The following NCS1 variants were observed in gnomAD, a reference collection of about 807,000 sequenced individuals.
NCS1 encodes the protein neuronal calcium sensor 1.
NCS1 carries 6 observed loss-of-function variants against 28.4 expected under a neutral mutation model. The ratio of observed to expected loss-of-function variants is 0.21; its 90% CI spans 0.12 to 0.42. The LOEUF is 0.42. Ranked by LOEUF, NCS1 falls within the 10% of genes least tolerant of loss-of-function variation. The pLI, the probability that NCS1 is intolerant of heterozygous loss-of-function variation, is 1.00. For missense variants in NCS1, 131 were observed against 241.4 expected, an observed-to-expected ratio of 0.54 and a Z score of 3.03; for synonymous variants, 86 against 99.3, an observed-to-expected ratio of 0.87 and a Z score of 0.79.
chr9:130,216,242 G>A (rs1833186051), intron 2 of NCS1, among the ~76,000 whole-genome samples: 1 of 152,186 alleles, frequency 6.6e-6, no homozygotes, highest in Non-Finnish European at 1.5e-5. Flanking sequence ...GGAGGGTGGA[G>A]GCTTTGTGTG....
At chr9:130,216,031 C>T (rs538928695) in intron 2 of NCS1, among the ~76,000 whole-genome samples, 6 of 152,278 alleles carry the variant, frequency 3.9e-5, no homozygotes, top group South Asian at 4.1e-4. Flanking sequence ...CCTTCCAGGC[C>T]GCAGAATTTT....
At chr9:130,205,579 T>G (rs1588117533) in intron 2 of NCS1, among the ~76,000 whole-genome samples, 3 of 142,362 alleles carry the variant, frequency 2.1e-5, no homozygotes, top group Admixed American at 7.1e-5. Context: ...GGCCCACACG[T>G]GTAATCCCAG....
chr9:130,233,637 T>G lies in NCS1; in HGVS notation c.*665T>G, dbSNP rs944547662. ...GGTTTTTTTTTATATACATATATAATTGATATCTTTAATTTATTGGTTGTT... is the reference window on the plus strand; with the variant it reads ...GGTTTTTTTTTATATACATATATAAGTGATATCTTTAATTTATTGGTTGTT... On this transcript the variant is annotated 3_prime_UTR_variant, in exon 8 of 8. Transcript: ENST00000372398. The surrounding 1 kb of genome is among the most constrained non-coding windows in gnomAD (Gnocchi z 4.8). The G allele has an allele frequency of 6.6e-6, 1 of 152,356 alleles. No individual in the cohort carries two copies. The highest frequency in any genetic ancestry group is 1.5e-5 in the Non-Finnish European group (1 of 67,978). The allele number at this position is 152,356 out of a possible 1,614,324, so 9.4% of individuals were successfully genotyped here. A position where few individuals can be genotyped will look rare whatever the true frequency, so the allele number is the denominator to read the frequency against.
chr9:130,190,178 G>A (rs1289356421), intron 1 of NCS1, among the ~76,000 whole-genome samples: 3 of 152,010 alleles, frequency 2.0e-5, no homozygotes, highest in Admixed American at 1.3e-4. Context: ...ACAAGAACAT[G>A]CATTCTGTGA....
chr9:130,220,953 G>A (rs1233268824), intron 4 of NCS1, among the ~76,000 whole-genome samples: 2 of 151,970 alleles, frequency 1.3e-5, no homozygotes, highest in African/African-American at 4.8e-5. Flanking sequence ...CAGGCCCCGG[G>A]CTCTCCCACG....
At chr9:130,227,022 C>CAAAAAAAAAAAAAAAAAGA (rs1833425396) in intron 7 of NCS1, among the ~76,000 whole-genome samples, 5 of 42,614 alleles carry the variant, frequency 1.2e-4, no homozygotes, top group South Asian at 8.4e-4. Flanking sequence ...GACTCCATCT[C>CAAAAAAAAAAAAAAAAAGA]AAAAAAAAAA....
intron 2 of NCS1, among the ~76,000 whole-genome samples, chr9:130,212,115 G>A (rs369238085): frequency 1.9e-4 from 29 of 152,202 alleles, no homozygotes; most frequent in African/African-American, 6.5e-4. Context: ...TTGGCAAAGT[G>A]GGCGGGATTG....
intron 1 of NCS1, among the ~76,000 whole-genome samples, chr9:130,187,355 T>A (rs1466699595): frequency 2.0e-5 from 3 of 152,116 alleles, no homozygotes; most frequent in Non-Finnish European, 4.4e-5. Flanking sequence ...AGTCACTCTG[T>A]GCCTCCTCCA....
At position 130,228,776 on chromosome 9, in the gene NCS1, C is replaced by T. The variant is rs535761079; in HGVS notation, c.*17+2272C>T. ...CTGCCTCCTGGGTTCAAACAATTCTCCTGCCTCAGCTTCCCGAGTAGCTGG... is the reference window on the plus strand; with the variant it reads ...CTGCCTCCTGGGTTCAAACAATTCTTCTGCCTCAGCTTCCCGAGTAGCTGG... On this transcript the variant is annotated intron_variant, in intron 7 of 7. Transcript: ENST00000372398. Among the ~76,000 whole-genome samples, 3 of 151,794 alleles carry T rather than the reference C, an allele frequency of 2.0e-5. No homozygotes were observed. In the South Asian group the frequency reaches 6.3e-4, roughly 32 times the overall value.
rs2131168718 is a variant in NCS1, at chr9:130,235,750, G to C, written c.*2778G>C. 6.5e-6 allele frequency: 1 copy of C among 152,766 alleles called. No individual in the cohort carries two copies. Among genetic ancestry groups the C allele is most frequent in the Non-Finnish European group, 1.5e-5 (1 of 68,362 alleles). 9.5% of individuals were successfully genotyped at this position (152,766 alleles called of 1,614,324 possible). A position where few individuals can be genotyped will look rare whatever the true frequency, so the allele number is the denominator to read the frequency against. ...TCCTCTCCCCAGGCCTCTGGCTGCA[G>C]TGATGCCGCAGAATCCTGAGCCAGG... is the stretch of plus-strand genomic sequence containing the variant. On this transcript the variant is annotated 3_prime_UTR_variant, in exon 8 of 8. Coordinates refer to ENST00000372398, the MANE Select transcript of NCS1 (RefSeq NM_014286.4).
chr9:130,205,982 T>G (rs1554908037), intron 2 of NCS1, among the ~76,000 whole-genome samples: 1 of 152,074 alleles, frequency 6.6e-6, no homozygotes, highest in Non-Finnish European at 1.5e-5. Context: ...TTTCTCTGGC[T>G]CTCCTAGGTC....
In NCS1 at chr9:130,218,651, G is replaced by A. The variant is rs536933604; in HGVS notation, c.228+681G>A. Among the ~76,000 whole-genome samples, 12 of 151,738 alleles carry A rather than the reference G, an allele frequency of 7.9e-5. No homozygotes were observed. The South Asian group carries it at 2.3e-3, about 29-fold the overall frequency. ...CTGTTGCCGAGGCTGGAGTGCAGTG[G>A]TGCAGTCTCAATTCACTGCAACCTC... On this transcript the variant is annotated intron_variant, in intron 3 of 7. Transcript: ENST00000372398.
rs1832552042 is a variant in NCS1 at position 130,175,511 on chromosome 9, G to C, written c.64+2784G>C. On this transcript the variant is annotated intron_variant, in intron 1 of 7. Coordinates refer to ENST00000372398, the MANE Select transcript of NCS1 (RefSeq NM_014286.4). This position sits in a 1 kb window ranked among gnomAD's most constrained non-coding sequence, Gnocchi z 4.9. ...TGTTTGTGCTGCAGATGGTGGTCCT[G>C]GGGAGCCCGGATTGAAGACCACAGT... Among the ~76,000 whole-genome samples, 1 of 152,172 alleles carries C rather than the reference G, an allele frequency of 6.6e-6. No individual in the cohort carries two copies. The highest frequency in any genetic ancestry group is 2.4e-5 in the African/African-American group (1 of 41,440).
intron 1 of NCS1, chr9:130,200,709 G>A (rs1371720776): frequency 2.0e-6 from 3 of 1,524,900 alleles, no homozygotes; most frequent in Non-Finnish European, 2.7e-6. Flanking sequence ...CAGCGGCAGT[G>A]GCAGTGGCAG....
chr9:130,223,991 C>T (rs539896282), intron 6 of NCS1, among the ~76,000 whole-genome samples: 2 of 151,944 alleles, frequency 1.3e-5, no homozygotes, highest in South Asian at 2.1e-4. Flanking sequence ...GGACTACAGG[C>T]GCATGCCACC....
In NCS1 at chr9:130,227,196, A is replaced by C. The variant is rs563389217; in HGVS notation, c.*17+692A>C. Among the ~76,000 whole-genome samples the C allele has an allele frequency of 2.6e-5, 4 of 152,310 alleles. No individual in the cohort carries two copies. In the South Asian group the frequency reaches 8.3e-4, roughly 32 times the overall value. Reference sequence around the variant, plus strand: ...CTAAGCTCCTAGCTGTCACAGAATGATAGCACGCCTGGCAGAGGCCCCTGT... The same window carrying C: ...CTAAGCTCCTAGCTGTCACAGAATGCTAGCACGCCTGGCAGAGGCCCCTGT... On this transcript the variant is annotated intron_variant, in intron 7 of 7. Coordinates refer to ENST00000372398, the MANE Select transcript of NCS1 (RefSeq NM_014286.4).
At chr9:130,216,801 G>A (rs1833196306) in intron 2 of NCS1, among the ~76,000 whole-genome samples, 1 of 151,688 alleles carries the variant, frequency 6.6e-6, no homozygotes, top group African/African-American at 2.4e-5. Flanking sequence ...AGAGTTCCCA[G>A]TCGCGTCAGG....
intron 1 of NCS1, among the ~76,000 whole-genome samples, chr9:130,185,098 C>T (rs1007966133): frequency 5.9e-5 from 9 of 152,168 alleles, no homozygotes; most frequent in Non-Finnish European, 8.8e-5. Flanking sequence ...GACCCATCCT[C>T]GTCCACACTC....
At position 130,209,251 on chromosome 9, in the gene NCS1, G is replaced by A. The variant is rs1344604567; in HGVS notation, c.89+8269G>A. Among the ~76,000 whole-genome samples, 4 of 152,202 alleles carry A rather than the reference G, an allele frequency of 2.6e-5. No homozygotes were observed. The East Asian group carries it at 5.8e-4, about 22-fold the overall frequency. ...TTTTGCACTGCAGAGAGCAGCTGCC[G>A]CAGTATCATCAGCATGGCAGGAAAT... On this transcript the variant is annotated intron_variant, in intron 2 of 7. Coordinates refer to ENST00000372398, the MANE Select transcript of NCS1 (RefSeq NM_014286.4). This position sits in a 1 kb window ranked among gnomAD's most constrained non-coding sequence, Gnocchi z 4.4.
Sources: allele counts gnomAD v4.1 joint callset (sites outside exome capture counted in the v4.1 genomes callset), GRCh38; gene constraint gnomAD v4.1.1; non-coding constraint Gnocchi (gnomAD v3.1); transcripts MANE v1.5; gene names NCBI Gene and HGNC (gene_info 2026-07-23, HGNC 2026-07-21).